RUNDC3A: variants seen among roughly 807,000 people sequenced by gnomAD.
The protein encoded by RUNDC3A is RUN domain-containing protein 3A.
A neutral mutation model predicts 53.9 loss-of-function variants in RUNDC3A; 28 were observed. The observed-to-expected ratio is 0.52, with a 90% CI of 0.38 to 0.71. The LOEUF is 0.71. RUNDC3A is among the 30% of genes least tolerant of loss of function. RUNDC3A has a pLI of 0.00. For synonymous variants in RUNDC3A, 232 were observed against 249.4 expected, an observed-to-expected ratio of 0.93 and a Z score of 0.66; for missense variants, 491 against 597.3, an observed-to-expected ratio of 0.82 and a Z score of 1.85.
intron 10 of RUNDC3A, 28 bp downstream of exon 10, chr17:44,316,753 A>G: frequency 6.7e-7 from 1 of 1,486,022 alleles, no homozygotes. Context: ...AACACCCAGT[A>G]CCCCTCCAGA....
At chr17:44,310,790 A>G (rs1364977661) in intron 1 of RUNDC3A, 6 of 985,388 alleles carry the variant, frequency 6.1e-6, no homozygotes, top group Non-Finnish European at 7.2e-6. Flanking sequence ...TGCCATGCTG[A>G]ACCCAGTCCA....
In RUNDC3A at chr17:44,316,384, GGACAGGTCT is replaced by G. The variant is rs1192448519; in HGVS notation, c.956_964del (p.Thr319_Leu321del). 1 of 1,611,902 alleles carries G rather than the reference GGACAGGTCT, an allele frequency of 6.2e-7. No individual in the cohort carries two copies. The highest frequency in any genetic ancestry group is 8.5e-7 in the Non-Finnish European group (1 of 1,178,382). ...GGCCTGACTCCTCCTCCCCCTCCCA[GGACAGGTCT>G]GATCCCCAGTGACCACGCCCCTCTG... On this transcript the variant is annotated inframe_deletion and splice_region_variant, in exon 9 of 11. Coordinates refer to ENST00000426726, the MANE Select transcript of RUNDC3A (RefSeq NM_001144825.2).
At chr17:44,317,092 C>G (rs542638571) in intron 10 of RUNDC3A, 12 of 391,298 alleles carry the variant, frequency 3.1e-5, no homozygotes, top group African/African-American at 2.2e-4. Context: ...GTGATTCACC[C>G]ACCTTGGCCT....
chr17:44,313,825 G>C, intron 4 of RUNDC3A: 1 of 754,524 alleles, frequency 1.3e-6, no homozygotes, highest in South Asian at 4.6e-5. Context: ...GGGATTACAG[G>C]CATACGCCAC....
In RUNDC3A at chr17:44,315,429, C is replaced by G; in HGVS notation, c.796-23C>G. ...CGGCCGGGACGTCCTCCCAGCCGCCCGGGCTGAGCCGGCGCCCCGCAGGGC... is the reference window on the plus strand; with the variant it reads ...CGGCCGGGACGTCCTCCCAGCCGCCGGGGCTGAGCCGGCGCCCCGCAGGGC... On this transcript the variant is annotated intron_variant, in intron 7 of 10. Coordinates refer to ENST00000426726, the MANE Select transcript of RUNDC3A (RefSeq NM_001144825.2). The surrounding 1 kb of genome is among the most constrained non-coding windows in gnomAD (Gnocchi z 6.1). The G allele has an allele frequency of 2.9e-6, 4 of 1,402,568 alleles. No individual in the cohort carries two copies. The highest frequency in any genetic ancestry group is 3.7e-6 in the Non-Finnish European group (4 of 1,075,258). 86.9% of individuals were successfully genotyped at this position (1,402,568 alleles called of 1,614,324 possible).
chr17:44,317,806 G>A (rs1209617847), intron 10 of RUNDC3A: 1 of 595,690 alleles, frequency 1.7e-6, no homozygotes, highest in Admixed American at 2.9e-5. Context: ...TATCCCCAGT[G>A]CTTGGAACAG....
In RUNDC3A at chr17:44,308,813, A is replaced by G. The variant is rs1467484768; in HGVS notation, c.-20A>G. 5.2e-6 allele frequency: 8 copies of G among 1,544,836 alleles called. No individual in the cohort carries two copies. The East Asian group carries it at 1.9e-4, about 36-fold the overall frequency. Reference sequence around the variant, plus strand: ...GGGTGGGGGGGCAGCGGGCGGCGGCAGCAGTGGCCGCACATCTGGATGGAA... The same window carrying G: ...GGGTGGGGGGGCAGCGGGCGGCGGCGGCAGTGGCCGCACATCTGGATGGAA... On this transcript the variant is annotated 5_prime_UTR_variant, in exon 1 of 11. Coordinates refer to ENST00000426726, the MANE Select transcript of RUNDC3A (RefSeq NM_001144825.2).
At chr17:44,310,581 C>A (rs2047730978) in intron 1 of RUNDC3A, 1 of 380,932 alleles carries the variant, frequency 2.6e-6, no homozygotes, top group Non-Finnish European at 3.6e-6. Flanking sequence ...GCCCCTACTG[C>A]CTCATCACTG....
chr17:44,308,949 G>GC lies in RUNDC3A; in HGVS notation c.107+11dup. 1 of 1,585,664 alleles carries GC rather than the reference G, an allele frequency of 6.3e-7. No homozygotes were observed. Among genetic ancestry groups the GC allele is most frequent in the Non-Finnish European group, 8.6e-7 (1 of 1,161,770 alleles). ...TGATCACCGTGTGCAGGTGGGCACC[G>GC]CTAGTGGGCGGGGGCTGGGGTGGTG... On this transcript the variant is annotated intron_variant, in intron 1 of 10. Transcript: ENST00000426726.
intron 1 of RUNDC3A, among the ~76,000 whole-genome samples, chr17:44,312,003 G>A (rs1331844704): frequency 1.3e-5 from 2 of 152,198 alleles, no homozygotes; most frequent in Non-Finnish European, 2.9e-5. Context: ...AGGGGGGAAG[G>A]GGGTATCTGT....
chr17:44,312,539 C>G lies in RUNDC3A; in HGVS notation c.108-41C>G, dbSNP rs1439283801. 10 of 1,186,622 alleles carry G rather than the reference C, an allele frequency of 8.4e-6. No individual in the cohort carries two copies. The South Asian group carries it at 1.3e-4, about 16-fold the overall frequency. The allele number at this position is 1,186,622 out of a possible 1,614,324, so 73.5% of individuals were successfully genotyped here. The stretch of plus-strand genomic sequence containing the variant: ...TCTCCCTCCATCACCTGTTTCCTCA[C>G]CTGACACCCCACTGCCCCATCTCCC... On this transcript the variant is annotated intron_variant, in intron 1 of 10. Transcript: ENST00000426726.
intron 10 of RUNDC3A, chr17:44,317,489 C>G (rs776294525): frequency 2.6e-6 from 2 of 780,892 alleles, no homozygotes; most frequent in South Asian, 2.7e-5. Flanking sequence ...TGCCAGGAAG[C>G]TCAGAGCCAA....
chr17:44,308,840 C>A lies in RUNDC3A; in HGVS notation c.8C>A (p.Ala3Glu), dbSNP rs1217644133. 1 of 1,604,550 alleles carries A rather than the reference C, an allele frequency of 6.2e-7. No homozygotes were observed. The highest frequency in any genetic ancestry group is 8.5e-7 in the Non-Finnish European group (1 of 1,175,090). Residue 3 changes from alanine (A) to glutamate (E), a missense_variant, in exon 1 of 11, where the codon GCG becomes GAG. Ala to Glu is a moderately radical substitution (Grantham distance 107). Transcript: ENST00000426726. ME[A>E]SFVQTTMALG... Reference sequence around the variant, plus strand: ...CAGTGGCCGCACATCTGGATGGAAGCGAGCTTTGTCCAGACCACCATGGCT... The same window carrying A: ...CAGTGGCCGCACATCTGGATGGAAGAGAGCTTTGTCCAGACCACCATGGCT...
chr17:44,312,570 C>A lies in RUNDC3A; in HGVS notation c.108-10C>A. 6.5e-7 allele frequency: 1 copy of A among 1,531,574 alleles called. No homozygotes were observed. The highest frequency in any genetic ancestry group is 8.9e-7 in the Non-Finnish European group (1 of 1,127,244). The allele number at this position is 1,531,574 out of a possible 1,614,324, so 94.9% of individuals were successfully genotyped here. A position where few individuals can be genotyped will look rare whatever the true frequency, so the allele number is the denominator to read the frequency against. On this transcript the variant is annotated splice_polypyrimidine_tract_variant and intron_variant, in intron 1 of 10. Transcript: ENST00000426726. ...ACCCCACTGCCCCATCTCCCCACCT[C>A]GCCGCCCAGGTTCTCTGTGAAAACG...
Position 44,312,636 on chromosome 17 carries a change from C to A in RUNDC3A, c.164C>A (p.Ser55Ter). ...KYTAEPIDDS[S>*]EEFVNFAAIL... Reference sequence around the variant, plus strand: ...ACAGCGGAGCCCATCGATGACTCATCGGAGGAGTTTGTCAATTTTGCAGCC... The same window carrying A: ...ACAGCGGAGCCCATCGATGACTCATAGGAGGAGTTTGTCAATTTTGCAGCC... Residue 55 changes from serine (S) to a stop codon, truncating the protein, a stop_gained, in exon 2 of 11, where the codon TCG becomes TAG. Coordinates refer to ENST00000426726, the MANE Select transcript of RUNDC3A (RefSeq NM_001144825.2). LOFTEE classifies it high-confidence loss of function. 2 of 1,587,748 alleles carry A rather than the reference C, an allele frequency of 1.3e-6. No individual in the cohort carries two copies. Among genetic ancestry groups the A allele is most frequent in the Non-Finnish European group, 1.7e-6 (2 of 1,167,400 alleles).
intron 4 of RUNDC3A, 47 bp from the exon 5 acceptor site, chr17:44,314,688 G>GGGGGCCCCCC (rs2144688329): frequency 1.1e-6 from 1 of 931,060 alleles, no homozygotes; most frequent in Non-Finnish European, 1.5e-6. Context: ...GGGGGGGGGG[G>GGGGGCCCCCC]CGCTCCAGGG....
chr17:44,314,923 C>T lies in RUNDC3A; in HGVS notation c.549-6C>T. ...CACCTCCAACCCTGTGGCTCCTCTGCCTCAGCTTCTGTCTAAAGGGGGAAG... is the reference window on the plus strand; with the variant it reads ...CACCTCCAACCCTGTGGCTCCTCTGTCTCAGCTTCTGTCTAAAGGGGGAAG... On this transcript the variant is annotated splice_polypyrimidine_tract_variant and splice_region_variant and intron_variant, in intron 5 of 10. Transcript: ENST00000426726. The T allele has an allele frequency of 1.2e-6, 2 of 1,614,066 alleles. No individual in the cohort carries two copies. Among genetic ancestry groups the T allele is most frequent in the Middle Eastern group, 1.6e-4 (1 of 6,062 alleles).
Position 44,313,105 on chromosome 17 carries a change from C to G in RUNDC3A, c.225C>G (p.Ala75=). The change falls in exon 3 of 11, where the codon GCC becomes GCG. Residue 75 remains alanine (A), a splice_region_variant and synonymous_variant. Coordinates refer to ENST00000426726, the MANE Select transcript of RUNDC3A (RefSeq NM_001144825.2). ...LEQILSHRFK[A]CAPAGPVSWF... is the part of the protein sequence containing the mutation. The stretch of plus-strand genomic sequence containing the variant: ...AGCCCCCTCCCTGCCCTGGCTCAGC[C>G]TGTGCCCCAGCAGGTCCAGTGAGCT... 6.2e-7 allele frequency: 1 copy of G among 1,613,854 alleles called. No homozygotes were observed. The highest frequency in any genetic ancestry group is 1.1e-5 in the South Asian group (1 of 91,084).
At chr17:44,312,985 G>A (rs2047780154) in intron 2 of RUNDC3A, 119 bp from the exon 3 acceptor site, 1 of 1,109,618 alleles carries the variant, frequency 9.0e-7, no homozygotes, top group Non-Finnish European at 1.3e-6. Context: ...ACACGTGCAT[G>A]TGTGTGCACA....
Sources: gnomAD v4.1 joint callset for allele counts (sites outside exome capture counted in the v4.1 genomes callset) on GRCh38, gnomAD v4.1.1 for gene constraint, Gnocchi (gnomAD v3.1) non-coding constraint, MANE v1.5 for transcripts, NCBI Gene and HGNC (gene_info 2026-07-23, HGNC 2026-07-21) for gene names.